The following CCDC187 variants were observed in gnomAD, a reference collection of about 807,000 sequenced individuals.
CCDC187 encodes coiled-coil domain-containing protein 187.
In CCDC187, 32 loss-of-function variants were observed where a neutral mutation model predicts 38.0. The observed-to-expected ratio is 0.84, with a 90% CI of 0.64 to 1.13. CCDC187 has a LOEUF of 1.13. Ranked by LOEUF, CCDC187 falls within the 50% of genes most tolerant of loss-of-function variation. The probability of loss-of-function intolerance (pLI) is 0.00; values close to 1 mark genes in which losing one functional copy is unlikely to be tolerated. For missense variants in CCDC187, 707 were observed against 786.8 expected (o/e 0.90, Z 1.21); for synonymous variants, 333 against 347.9 (o/e 0.96, Z 0.48).
In CCDC187 at chr9:136,254,133, C is replaced by T; in HGVS notation, c.5695G>A (p.Gly1899Arg). Residue 1899 changes from glycine to arginine, a missense_variant, in exon 26 of 26, where the codon GGG becomes AGG. Gly to Arg is a moderately radical substitution (Grantham distance 125). Transcript: ENST00000638797. ...TCTCCTCCTTTGCCGAAATCTGCCC[C>T]TTCACTCAAAGAGGTCCACGAAGGA... ...VFPSWTSLSE[G>R]ADFGKGGETS... is the part of the protein sequence containing the mutation. The T allele has an allele frequency of 1.0e-6, 1 of 985,514 alleles. No individual in the cohort carries two copies. Among genetic ancestry groups the T allele is most frequent in the Non-Finnish European group, 1.2e-6 (1 of 829,972 alleles). 61.0% of individuals were successfully genotyped at this position (985,514 alleles called of 1,614,324 possible). A position where few individuals can be genotyped will look rare whatever the true frequency, so the allele number is the denominator to read the frequency against.
rs117862190 is a variant in CCDC187 at position 136,258,961 on chromosome 9, C to T, written c.4337G>A (p.Arg1446Lys). The change falls in exon 22 of 26, where the codon AGG becomes AAG. Residue 1446 changes from arginine to lysine, a missense_variant. Physicochemically the swap from Arg to Lys is conservative, Grantham distance 26. Coordinates refer to ENST00000638797, the MANE Select transcript of CCDC187 (RefSeq NM_001378188.1). The surrounding 1 kb of genome is among the most constrained non-coding windows in gnomAD (Gnocchi z 4.3). ...AEGRLPTAQC[R>K]SREVKEPPPG... Reference sequence around the variant, plus strand: ...GGGTGGCTCCTTCACCTCCCGAGACCTGCACTGAGCTGTGGGGAGGCGCCC... The same window carrying T: ...GGGTGGCTCCTTCACCTCCCGAGACTTGCACTGAGCTGTGGGGAGGCGCCC... 4.1e-6 allele frequency: 4 copies of T among 985,554 alleles called. No homozygotes were observed. The East Asian group carries it at 3.4e-4, about 84-fold the overall frequency. The allele number at this position is 985,554 out of a possible 1,614,324, so 61.1% of individuals were successfully genotyped here. A position where few individuals can be genotyped will look rare whatever the true frequency, so the allele number is the denominator to read the frequency against.
At position 136,300,213 on chromosome 9, in the gene CCDC187, C is replaced by T. The variant is rs1391422428; in HGVS notation, c.724+7G>A. 8 of 398,576 alleles carry T rather than the reference C, an allele frequency of 2.0e-5. No individual in the cohort carries two copies. The highest frequency in any genetic ancestry group is 3.5e-5 in the Non-Finnish European group (8 of 226,132). 24.7% of individuals were successfully genotyped at this position (398,576 alleles called of 1,614,324 possible). A position where few individuals can be genotyped will look rare whatever the true frequency, so the allele number is the denominator to read the frequency against. On this transcript the variant is annotated splice_region_variant and intron_variant, in intron 3 of 25. Transcript: ENST00000638797. ...AGCACCAGGGCAGCCGCCGCAGAGCCGCTCACCAGGAACCTGGTGCTGGGA... is the reference window on the plus strand; with the variant it reads ...AGCACCAGGGCAGCCGCCGCAGAGCTGCTCACCAGGAACCTGGTGCTGGGA...
At chr9:136,274,474 G>T (rs910847546) in intron 14 of CCDC187, among the ~76,000 whole-genome samples, 184 bp downstream of exon 14, 3 of 152,266 alleles carry the variant, frequency 2.0e-5, no homozygotes, top group Non-Finnish European at 4.4e-5. Context: ...TCAGTCACGC[G>T]AGTGCTGGAG....
At chr9:136,292,008 G>T (rs1039461056) in intron 5 of CCDC187, among the ~76,000 whole-genome samples, 153 bp downstream of exon 5, 3 of 152,330 alleles carry the variant, frequency 2.0e-5, no homozygotes, top group African/African-American at 7.2e-5. Flanking sequence ...CAGTTGAATG[G>T]GTGGCAGGTT....
chr9:136,303,014 G>A lies in CCDC187; in HGVS notation c.423C>T (p.Pro141=). ...WKERPPQVLG[P]QQRPRKSDAR... ...CGTCACTCTTTCTGGGCCTCTGCTG[G>A]GGCCCCAACACCTGGGGTGGCCTCT... The change falls in exon 2 of 26, where the codon CCC becomes CCT. Residue 141 remains proline (P), a synonymous_variant. Coordinates refer to ENST00000638797, the MANE Select transcript of CCDC187 (RefSeq NM_001378188.1). 2.5e-6 allele frequency: 1 copy of A among 398,708 alleles called. No homozygotes were observed. Among genetic ancestry groups the A allele is most frequent in the Non-Finnish European group, 4.4e-6 (1 of 226,132 alleles). The allele number at this position is 398,708 out of a possible 1,614,324, so 24.7% of individuals were successfully genotyped here.
In CCDC187 at chr9:136,302,855, T is replaced by G. The variant is rs1270162605; in HGVS notation, c.582A>C (p.Lys194Asn). The G allele has an allele frequency of 1.3e-5, 5 of 398,652 alleles. No homozygotes were observed. The highest frequency in any genetic ancestry group is 2.2e-5 in the Non-Finnish European group (5 of 226,176). The allele number at this position is 398,652 out of a possible 1,614,324, so 24.7% of individuals were successfully genotyped here. The change falls in exon 2 of 26, where the codon AAA (lysine) becomes AAC (asparagine). Residue 194 changes from lysine to asparagine, a missense_variant. Lys to Asn is a moderately conservative substitution (Grantham distance 94). Coordinates refer to ENST00000638797, the MANE Select transcript of CCDC187 (RefSeq NM_001378188.1). ...HKASTLMLRRKGQEAKNPPPA... is the reference protein window; with the variant it reads ...HKASTLMLRRNGQEAKNPPPA... ...GAGGGGGATTTTTTGCCTCTTGGCCTTTCCTCCTAAGCATCAGCGTGGAGG... is the reference window on the plus strand; with the variant it reads ...GAGGGGGATTTTTTGCCTCTTGGCCGTTCCTCCTAAGCATCAGCGTGGAGG...
chr9:136,263,095 C>G (rs1283055819), intron 18 of CCDC187, among the ~76,000 whole-genome samples: 1 of 151,954 alleles, frequency 6.6e-6, no homozygotes, highest in Non-Finnish European at 1.5e-5. Context: ...CACCGCTGCC[C>G]CCACCTGAAG....
chr9:136,262,330 C>T lies in CCDC187; in HGVS notation c.4045G>A (p.Ala1349Thr), dbSNP rs571954441. 41 of 986,644 alleles carry T rather than the reference C, an allele frequency of 4.2e-5. No homozygotes were observed. Among genetic ancestry groups the T allele is most frequent in the East Asian group, 1.1e-4 (1 of 8,844 alleles). The allele number at this position is 986,644 out of a possible 1,614,324, so 61.1% of individuals were successfully genotyped here. A position where few individuals can be genotyped will look rare whatever the true frequency, so the allele number is the denominator to read the frequency against. The change falls in exon 19 of 26, where the codon GCA becomes ACA. Residue 1349 changes from alanine to threonine, a missense_variant. Coordinates refer to ENST00000638797, the MANE Select transcript of CCDC187 (RefSeq NM_001378188.1). The part of the protein sequence containing the change: ...STSHRPQSSP[A>T]SSKATRPPTE... ...ACTCACCGCGTGGCCTTTGAGCTTG[C>T]GGGGCTGCTCTGGGGGCGATGGCTG... is the stretch of plus-strand genomic sequence containing the variant.
At chr9:136,255,186 G>T in intron 25 of CCDC187, 52 bp from the exon 26 acceptor site, 1 of 915,952 alleles carries the variant, frequency 1.1e-6, no homozygotes, top group Non-Finnish European at 1.3e-6. Context: ...TGGACCCCAT[G>T]CATATCCCAC....
chr9:136,303,515 A>G (rs1831741148), intron 1 of CCDC187, among the ~76,000 whole-genome samples, 173 bp downstream of exon 1: 1 of 152,202 alleles, frequency 6.6e-6, no homozygotes, highest in African/African-American at 2.4e-5. Flanking sequence ...CGATTTACAG[A>G]TGGAGAAACT....
At chr9:136,281,469 C>G (rs1302585422) in intron 10 of CCDC187, 82 bp downstream of exon 10, 1 of 398,514 alleles carries the variant, frequency 2.5e-6, no homozygotes, top group East Asian at 3.6e-5. Context: ...AGCTCGAGTG[C>G]TAGGCAGTGG....
intron 5 of CCDC187, 63 bp from the exon 6 acceptor site, chr9:136,291,708 C>T: frequency 2.5e-6 from 1 of 398,536 alleles, no homozygotes; most frequent in Non-Finnish European, 4.4e-6. Context: ...GCCAGCTCCT[C>T]CATCCGGGCT....
intron 6 of CCDC187, 108 bp downstream of exon 6, chr9:136,290,378 G>T (rs1010265286): frequency 2.5e-6 from 1 of 397,698 alleles, no homozygotes; most frequent in Non-Finnish European, 4.4e-6. Context: ...TGCAGCCCTC[G>T]CCCGGCCACT....
At chr9:136,271,193 A>G (rs1830834263) in intron 14 of CCDC187, among the ~76,000 whole-genome samples, 1 of 152,206 alleles carries the variant, frequency 6.6e-6, no homozygotes, top group South Asian at 2.1e-4. Flanking sequence ...AAAATGAAAA[A>G]TCCACAGGTC....
intron 10 of CCDC187, among the ~76,000 whole-genome samples, chr9:136,277,743 C>T (rs1830960936): frequency 6.6e-6 from 1 of 152,172 alleles, no homozygotes; most frequent in Admixed American, 6.5e-5. Flanking sequence ...GAGGCTGCCA[C>T]CAGGAGGTGC....
intron 17 of CCDC187, 146 bp downstream of exon 17, chr9:136,265,810 G>A (rs1830737356): frequency 4.3e-6 from 1 of 233,584 alleles, no homozygotes; most frequent in African/African-American, 2.3e-5. Context: ...CTATACTTCG[G>A]GGTCCTGTAT....
At chr9:136,287,871 G>C (rs1386670995) in intron 7 of CCDC187, among the ~76,000 whole-genome samples, 1 of 152,100 alleles carries the variant, frequency 6.6e-6, no homozygotes, top group African/African-American at 2.4e-5. Context: ...AAGAGTTCTG[G>C]AGAAAATAGA....
Position 136,254,041 on chromosome 9 carries a change from C to T in CCDC187, c.5787G>A (p.Pro1929=), listed in dbSNP as rs773417008. The T allele has an allele frequency of 8.6e-5, 85 of 985,180 alleles. No homozygotes were observed. The highest frequency in any genetic ancestry group is 9.8e-5 in the Non-Finnish European group (81 of 829,918). The allele number at this position is 985,180 out of a possible 1,614,324, so 61.0% of individuals were successfully genotyped here. A position where few individuals can be genotyped will look rare whatever the true frequency, so the allele number is the denominator to read the frequency against. The change falls in exon 26 of 26, where the codon CCG becomes CCA. Residue 1929 remains proline (P), a synonymous_variant. Coordinates refer to ENST00000638797, the MANE Select transcript of CCDC187 (RefSeq NM_001378188.1). ...DPSPSTKSKL[P]YLMPEPETPV... ...GGGTCTCGGGCTCTGGCATGAGGTA[C>T]GGGAGTTTGCTCTTGGTGGATGGGC...
rs782750245 is a variant in CCDC187 at position 136,258,024 on chromosome 9, C to T, written c.4366+908G>A. 9.2e-5 allele frequency among the ~76,000 whole-genome samples: 14 copies of T among 152,134 alleles called. No homozygotes were observed. Among genetic ancestry groups the T allele is most frequent in the East Asian group, 1.9e-4 (1 of 5,178 alleles). ...GGGTGCAGGCGCCTGGCTGGCCCCCCGAACGGTGACAGCTGGTACACGTGG... is the reference window on the plus strand; with the variant it reads ...GGGTGCAGGCGCCTGGCTGGCCCCCTGAACGGTGACAGCTGGTACACGTGG... On this transcript the variant is annotated intron_variant, in intron 22 of 25. Coordinates refer to ENST00000638797, the MANE Select transcript of CCDC187 (RefSeq NM_001378188.1). The surrounding 1 kb of genome is among the most constrained non-coding windows in gnomAD (Gnocchi z 4.3).
Sources: gnomAD v4.1 joint callset for allele counts (sites outside exome capture counted in the v4.1 genomes callset) on GRCh38, gnomAD v4.1.1 for gene constraint, Gnocchi (gnomAD v3.1) non-coding constraint, MANE v1.5 for transcripts, NCBI Gene and HGNC (gene_info 2026-07-23, HGNC 2026-07-21) for gene names.